Variants in WWOX observed in about 807,000 individuals in gnomAD.
WWOX encodes WW domain containing oxidoreductase, also known as WW domain-containing oxidoreductase.
WWOX carries 69 observed loss-of-function variants against 46.2 expected under a neutral mutation model. The ratio of observed to expected loss-of-function variants is 1.49; its 90% CI spans 1.23 to 1.82. The LOEUF (loss-of-function observed/expected upper bound fraction) is 1.82. Among genes scored for constraint, WWOX ranks in the 40% most tolerant of loss-of-function variants. The probability of loss-of-function intolerance (pLI) is 0.00; values close to 1 mark genes in which losing one functional copy is unlikely to be tolerated. For synonymous variants in WWOX, 359 were observed against 202.6 expected (o/e 1.77, Z -6.56); for missense variants, 919 against 542.6 (o/e 1.69, Z -6.89).
intron 8 of WWOX, among the ~76,000 whole-genome samples, chr16:78,921,651 G>T (rs2045382534): frequency 6.6e-6 from 1 of 152,158 alleles, no homozygotes; most frequent in African/African-American, 2.4e-5. Context: ...GGTCATGGAG[G>T]TAAGAGAGGA....
rs34986286 is a variant in WWOX at position 78,317,588 on chromosome 16, A to AGT, written c.517-69258_517-69257dup. ...CAGAACCTGAGAGTGTGTGACTGTG[A>AGT]GTGTGTGTGTGTGTGCACACACTTG... On this transcript the variant is annotated intron_variant, in intron 5 of 8. Coordinates refer to ENST00000566780, the MANE Select transcript of WWOX (RefSeq NM_016373.4). Among the ~76,000 whole-genome samples the AGT allele has an allele frequency of 5.2e-4, 79 of 151,832 alleles. No individual in the cohort carries two copies. The East Asian group carries it at 6.4e-3, about 12-fold the overall frequency.
chr16:78,133,739 CT>C (rs1423297116), intron 4 of WWOX, among the ~76,000 whole-genome samples: 1 of 152,170 alleles, frequency 6.6e-6, no homozygotes, highest in Non-Finnish European at 1.5e-5. Flanking sequence ...ATGCTCATGA[CT>C]TTCAATGAAT....
At chr16:78,837,262 G>T (rs1472543130) in intron 8 of WWOX, among the ~76,000 whole-genome samples, 3 of 152,154 alleles carry the variant, frequency 2.0e-5, no homozygotes, top group Non-Finnish European at 4.4e-5. Context: ...GGTTCATAGA[G>T]ATTACCTTTC....
chr16:78,400,406 T>C lies in WWOX; in HGVS notation c.605+13458T>C, dbSNP rs1350672170. On this transcript the variant is annotated intron_variant, in intron 6 of 8. Transcript: ENST00000566780. ...TGACAGGGCGGTTCCCCAGCTTGGC[T>C]GTGTGAGGAATCAGCTGGGAATCGA... Among the ~76,000 whole-genome samples, 6 of 152,268 alleles carry C rather than the reference T, an allele frequency of 3.9e-5. 1 individual carries two copies. Among genetic ancestry groups the C allele is most frequent in the African/African-American group, 1.4e-4 (6 of 41,562 alleles).
chr16:78,980,177 C>G (rs2046653491), intron 8 of WWOX, among the ~76,000 whole-genome samples: 1 of 152,170 alleles, frequency 6.6e-6, no homozygotes, highest in African/African-American at 2.4e-5. Flanking sequence ...AACTCCCACC[C>G]CAAATCCTTG....
chr16:78,638,440 T>C (rs3854985), intron 8 of WWOX, among the ~76,000 whole-genome samples: 1 of 151,846 alleles, frequency 6.6e-6, no homozygotes, highest in Non-Finnish European at 1.5e-5. Context: ...TTTTTTTGTT[T>C]CCTCTGCAAG....
At chr16:79,115,366 G>C (rs997970316) in intron 8 of WWOX, among the ~76,000 whole-genome samples, 1 of 152,180 alleles carries the variant, frequency 6.6e-6, no homozygotes, top group Non-Finnish European at 1.5e-5. Flanking sequence ...CTTATATGGT[G>C]CAGGGTGGTC....
At chr16:78,169,205 G>A (rs2035069131) in intron 5 of WWOX, among the ~76,000 whole-genome samples, 1 of 152,182 alleles carries the variant, frequency 6.6e-6, no homozygotes, top group Admixed American at 6.5e-5. Context: ...GTTTTCCTGT[G>A]TATTCCAAGA....
At chr16:78,571,367 GTA>G (rs537367904) in intron 8 of WWOX, among the ~76,000 whole-genome samples, 2 of 150,852 alleles carry the variant, frequency 1.3e-5, no homozygotes, top group African/African-American at 4.9e-5. Context: ...CATTAAATGT[GTA>G]TATATATATA....
intron 8 of WWOX, among the ~76,000 whole-genome samples, chr16:78,547,793 T>C (rs2044077074): frequency 6.6e-6 from 1 of 152,062 alleles, no homozygotes; most frequent in Admixed American, 6.6e-5. Context: ...TCATGAAGGC[T>C]TTGCCTCAAT....
At chr16:78,702,013 A>G (rs2048228928) in intron 8 of WWOX, among the ~76,000 whole-genome samples, 1 of 110,116 alleles carries the variant, frequency 9.1e-6, no homozygotes, top group South Asian at 2.6e-4. Context: ...AAAATTATAT[A>G]TATATATATA....
At chr16:78,916,680 C>G (rs769274373) in intron 8 of WWOX, among the ~76,000 whole-genome samples, 8 of 152,174 alleles carry the variant, frequency 5.3e-5, no homozygotes, top group Non-Finnish European at 1.0e-4. Context: ...ATCCCAGGCA[C>G]AATATCTCAG....
chr16:78,747,033 T>G (rs2049363892), intron 8 of WWOX, among the ~76,000 whole-genome samples: 1 of 152,094 alleles, frequency 6.6e-6, no homozygotes. Context: ...GTTTATTTCC[T>G]ACCTCAAGTA....
chr16:78,410,697 T>C (rs1305685243), intron 6 of WWOX, among the ~76,000 whole-genome samples: 2 of 150,668 alleles, frequency 1.3e-5, no homozygotes, highest in Non-Finnish European at 2.9e-5. Flanking sequence ...TCCCAGTTAG[T>C]TGGGGGGCTA....
chr16:78,571,201 C>T (rs1318637408), intron 8 of WWOX, among the ~76,000 whole-genome samples: 1 of 152,180 alleles, frequency 6.6e-6, no homozygotes, highest in Non-Finnish European at 1.5e-5. Flanking sequence ...ATAATGCAGA[C>T]AGCCTTTGCT....
chr16:78,498,391 C>A (rs892625736), intron 8 of WWOX, among the ~76,000 whole-genome samples: 2 of 152,110 alleles, frequency 1.3e-5, no homozygotes, highest in African/African-American at 4.8e-5. Flanking sequence ...TCTCTTCCCA[C>A]CCCTTCCCCA....
At chr16:79,144,433 G>A (rs907864184) in intron 8 of WWOX, among the ~76,000 whole-genome samples, 1 of 152,216 alleles carries the variant, frequency 6.6e-6, no homozygotes, top group South Asian at 2.1e-4. Context: ...TGTACAGAGA[G>A]AACTGGAACA....
intron 8 of WWOX, chr16:78,897,944 G>A (rs1209375991): frequency 6.6e-6 from 1 of 151,736 alleles, no homozygotes; most frequent in African/African-American, 2.4e-5. Flanking sequence ...TGAACTCATT[G>A]GCCGTTCATA....
chr16:78,919,862 C>T (rs958427961), intron 8 of WWOX, among the ~76,000 whole-genome samples: 3 of 152,058 alleles, frequency 2.0e-5, no homozygotes, highest in Non-Finnish European at 2.9e-5. Flanking sequence ...ACAGTGTGTG[C>T]CAAAGCGTCT....
Sources: allele counts gnomAD v4.1 joint callset (sites outside exome capture counted in the v4.1 genomes callset), GRCh38; gene constraint gnomAD v4.1.1; transcripts MANE v1.5; gene names NCBI Gene and HGNC (gene_info 2026-07-23, HGNC 2026-07-21).